Variants in TAOK3 observed in about 807,000 individuals in gnomAD.
TAOK3 encodes TAO kinase 3.
In TAOK3, 40 loss-of-function variants were observed where a neutral mutation model predicts 120.4. The observed-to-expected ratio is 0.33, with a 90% CI of 0.26 to 0.43. The LOEUF (loss-of-function observed/expected upper bound fraction) is 0.43, where lower values mean the gene tolerates loss of function less well. TAOK3 is among the 20% of genes least tolerant of loss of function. TAOK3 has a pLI of 1.00. For synonymous variants in TAOK3, 355 were observed against 387.5 expected (o/e 0.92, Z 0.99); for missense variants, 821 against 1,112.1 (o/e 0.74, Z 3.72).
At chr12:118,303,670 G>A (rs1379202701) in intron 1 of TAOK3, among the ~76,000 whole-genome samples, 1 of 152,036 alleles carries the variant, frequency 6.6e-6, no homozygotes, top group Non-Finnish European at 1.5e-5. Context: ...TTTTAGAGAT[G>A]GAGTTTTGCT....
chr12:118,157,338 C>T (rs982401146), intron 19 of TAOK3, among the ~76,000 whole-genome samples: 1 of 152,332 alleles, frequency 6.6e-6, no homozygotes, highest in African/African-American at 2.4e-5. Flanking sequence ...TAATACCCTC[C>T]AGTGGCTTTT....
At chr12:118,151,651 A>G (rs937383322) in intron 20 of TAOK3, among the ~76,000 whole-genome samples, 2 of 152,194 alleles carry the variant, frequency 1.3e-5, no homozygotes, top group East Asian at 3.8e-4. Flanking sequence ...TACTGGAAGA[A>G]AGTGCAAATA....
chr12:118,264,215 G>C (rs148409337), intron 2 of TAOK3, among the ~76,000 whole-genome samples: 1,981 of 152,266 alleles, frequency 0.013, 21 homozygotes, highest in Non-Finnish European at 0.02. Flanking sequence ...ATATGATGTA[G>C]CCATTATACT....
At chr12:118,281,073 T>C (rs985659172) in intron 1 of TAOK3, among the ~76,000 whole-genome samples, 10 of 152,258 alleles carry the variant, frequency 6.6e-5, no homozygotes, top group Non-Finnish European at 2.9e-5. Flanking sequence ...TGAAGTTGTT[T>C]ATTAGATCAA....
Position 118,368,809 on chromosome 12 carries a change from C to CA in TAOK3, c.-194+3838dup, listed in dbSNP as rs199730652. On this transcript the variant is annotated intron_variant, in intron 1 of 20. Coordinates refer to ENST00000392533, the MANE Select transcript of TAOK3 (RefSeq NM_016281.4). ...CGACAGAGCGAGACTCTGTCTCAAACAAAAAAAATAAAAATAAAAGTAAAA... is the reference window on the plus strand; with the variant it reads ...CGACAGAGCGAGACTCTGTCTCAAACAAAAAAAAATAAAAATAAAAGTAAAA... Among the ~76,000 whole-genome samples, 805 of 106,046 alleles carry CA rather than the reference C, an allele frequency of 7.6e-3. 2 individuals carry two copies. The highest frequency in any genetic ancestry group is 0.011 in the Non-Finnish European group (560 of 48,714). The allele number at this position is 106,046 out of a possible 152,430, so 69.6% of individuals were successfully genotyped here.
chr12:118,210,313 T>C (rs1387492321), intron 11 of TAOK3, among the ~76,000 whole-genome samples: 1 of 152,168 alleles, frequency 6.6e-6, no homozygotes, highest in Non-Finnish European at 1.5e-5. Context: ...GGCTCGAAGA[T>C]GTCAGCTGCC....
chr12:118,309,958 C>T (rs999468623), intron 1 of TAOK3, among the ~76,000 whole-genome samples: 2 of 152,106 alleles, frequency 1.3e-5, no homozygotes, highest in African/African-American at 4.8e-5. Flanking sequence ...AGGCAACTCC[C>T]TCCCTTCTCA....
chr12:118,156,367 C>T (rs1469630464), intron 19 of TAOK3, among the ~76,000 whole-genome samples: 2 of 152,142 alleles, frequency 1.3e-5, no homozygotes, highest in Admixed American at 1.3e-4. Context: ...TTTTTGTCTT[C>T]CCTCTCTGAC....
chr12:118,276,365 C>G (rs1023983672), intron 1 of TAOK3, among the ~76,000 whole-genome samples: 1 of 152,172 alleles, frequency 6.6e-6, no homozygotes, highest in African/African-American at 2.4e-5. Context: ...TGACTCCAAG[C>G]CTTAGGGCCT....
At chr12:118,288,203 A>G (rs991801229) in intron 1 of TAOK3, among the ~76,000 whole-genome samples, 1 of 151,950 alleles carries the variant, frequency 6.6e-6, no homozygotes, top group African/African-American at 2.4e-5. Flanking sequence ...TAATGTATAT[A>G]CTTAAATTTA....
At position 118,152,372 on chromosome 12, in the gene TAOK3, G is replaced by T. The variant is rs779153322; in HGVS notation, c.2390C>A (p.Ala797Asp). The change falls in exon 20 of 21, where the codon GCC becomes GAC. Residue 797 changes from alanine to aspartate, a missense_variant. Transcript: ENST00000392533. ...LDEAQEAECQ[A>D]LRLQLQQEME... ...TTCCTGCTGGAGCTGTAGCCTCAAG[G>T]CCTGGCATTCTGCTTCTTGAGCCTC... is the stretch of plus-strand genomic sequence containing the variant. 3.7e-6 allele frequency: 6 copies of T among 1,613,718 alleles called. No individual in the cohort carries two copies. The highest frequency in any genetic ancestry group is 1.3e-5 in the African/African-American group (1 of 75,032).
intron 1 of TAOK3, among the ~76,000 whole-genome samples, chr12:118,343,016 G>A (rs1378728649): frequency 2.0e-5 from 3 of 147,172 alleles, no homozygotes; most frequent in African/African-American, 7.5e-5. Context: ...ATCAACTTCA[G>A]ATACTGTTTC....
intron 3 of TAOK3, among the ~76,000 whole-genome samples, chr12:118,254,938 A>G (rs1288576902): frequency 6.7e-6 from 1 of 150,184 alleles, no homozygotes; most frequent in African/African-American, 2.4e-5. Context: ...TTTTTTTTGT[A>G]TTTTTAGTAG....
chr12:118,170,750 G>A lies in TAOK3; in HGVS notation c.1899+1707C>T, dbSNP rs1225535486. Among the ~76,000 whole-genome samples, 9 of 152,244 alleles carry A rather than the reference G, an allele frequency of 5.9e-5. No individual in the cohort carries two copies. The South Asian group carries it at 1.0e-3, about 18-fold the overall frequency. On this transcript the variant is annotated intron_variant, in intron 17 of 20. Coordinates refer to ENST00000392533, the MANE Select transcript of TAOK3 (RefSeq NM_016281.4). The stretch of plus-strand genomic sequence containing the variant: ...TGTACTCCAGCCTGGGCAACAGAGC[G>A]AGACTCTGTCTCCACAAAAAAATGT...
At chr12:118,320,312 C>T (rs775481213) in intron 1 of TAOK3, among the ~76,000 whole-genome samples, 5 of 151,978 alleles carry the variant, frequency 3.3e-5, no homozygotes, top group Middle Eastern at 3.4e-3. Flanking sequence ...TACGAGTAGC[C>T]GGGTATGGTG....
At position 118,181,332 on chromosome 12, in the gene TAOK3, G is replaced by A. The variant is rs764629486; in HGVS notation, c.1566+39C>T. On this transcript the variant is annotated intron_variant, in intron 15 of 20. Coordinates refer to ENST00000392533, the MANE Select transcript of TAOK3 (RefSeq NM_016281.4). The stretch of plus-strand genomic sequence containing the variant: ...CCTGCCACTGACCCCAACAGGCTGG[G>A]CTTGGTTGTGGCATGAAGGCGTGTG... 8 of 1,525,572 alleles carry A rather than the reference G, an allele frequency of 5.2e-6. 1 individual carries two copies. In the South Asian group the frequency reaches 8.1e-5, roughly 15 times the overall value. The allele number at this position is 1,525,572 out of a possible 1,614,324, so 94.5% of individuals were successfully genotyped here.
intron 1 of TAOK3, among the ~76,000 whole-genome samples, chr12:118,331,514 A>C (rs1345855414): frequency 6.6e-6 from 1 of 151,860 alleles, no homozygotes; most frequent in Non-Finnish European, 1.5e-5. Flanking sequence ...GCATGGTGGC[A>C]CATGCCTGTA....
At chr12:118,329,650 T>C (rs983227171) in intron 1 of TAOK3, among the ~76,000 whole-genome samples, 92 of 152,278 alleles carry the variant, frequency 6.0e-4, no homozygotes, top group African/African-American at 2.2e-3. Flanking sequence ...ACTTTGGTTT[T>C]TTCTAGGAAG....
At chr12:118,342,242 C>A (rs1053149027) in intron 1 of TAOK3, among the ~76,000 whole-genome samples, 8 of 152,110 alleles carry the variant, frequency 5.3e-5, no homozygotes, top group Non-Finnish European at 1.0e-4. Flanking sequence ...GAGAAAGCTA[C>A]CACGAGGAAG....
Sources: gnomAD v4.1 joint callset for allele counts (sites outside exome capture counted in the v4.1 genomes callset) on GRCh38, gnomAD v4.1.1 for gene constraint, MANE v1.5 for transcripts, NCBI Gene and HGNC (gene_info 2026-07-23, HGNC 2026-07-21) for gene names.